The following SMURF1 variants were observed in gnomAD, a reference collection of about 807,000 sequenced individuals.
The protein encoded by SMURF1 is SMAD specific E3 ubiquitin protein ligase 1, also known as E3 ubiquitin-protein ligase SMURF1.
A neutral mutation model predicts 98.0 loss-of-function variants in SMURF1; 44 were observed. The ratio of observed to expected loss-of-function variants is 0.45; its 90% CI spans 0.35 to 0.58. The LOEUF is 0.58. Ranked by LOEUF, SMURF1 falls within the 20% of genes least tolerant of loss-of-function variation. The probability of loss-of-function intolerance (pLI) is 0.00; values close to 1 mark genes in which losing one functional copy is unlikely to be tolerated. For missense variants in SMURF1, 687 were observed against 938.4 expected, an observed-to-expected ratio of 0.73 and a Z score of 3.50; for synonymous variants, 396 against 374.9, an observed-to-expected ratio of 1.06 and a Z score of -0.65.
chr7:99,051,278 C>T, intron 8 of SMURF1, 79 bp downstream of exon 8: 2 of 1,137,416 alleles, frequency 1.8e-6, no homozygotes, highest in Non-Finnish European at 2.7e-6. Flanking sequence ...AAAACAAGAG[C>T]AACACATCTG....
intron 1 of SMURF1, among the ~76,000 whole-genome samples, chr7:99,085,543 A>G (rs747532025): frequency 2.0e-5 from 3 of 152,092 alleles, no homozygotes; most frequent in Non-Finnish European, 4.4e-5. Flanking sequence ...TACACCCATT[A>G]TCAATATCTT....
chr7:99,111,638 A>C (rs1797325443), intron 1 of SMURF1, among the ~76,000 whole-genome samples: 1 of 152,232 alleles, frequency 6.6e-6, no homozygotes, highest in Non-Finnish European at 1.5e-5. Context: ...TACTACAAGC[A>C]AGGGAACACC....
chr7:99,116,062 T>C (rs757843645), intron 1 of SMURF1, among the ~76,000 whole-genome samples: 27 of 152,270 alleles, frequency 1.8e-4, no homozygotes, highest in Non-Finnish European at 8.8e-5. Flanking sequence ...AAATTTAACA[T>C]AGAGCATATT....
chr7:99,089,345 T>C (rs1006230213), intron 1 of SMURF1, among the ~76,000 whole-genome samples: 1 of 151,290 alleles, frequency 6.6e-6, no homozygotes, highest in Non-Finnish European at 1.5e-5. Flanking sequence ...TTTTTTATTT[T>C]AAAAACTGTA....
At chr7:99,046,927 G>A (rs1795601313) in intron 10 of SMURF1, among the ~76,000 whole-genome samples, 1 of 152,128 alleles carries the variant, frequency 6.6e-6, no homozygotes, top group African/African-American at 2.4e-5. Context: ...TCGCGGTGGG[G>A]AAGGCGCTCA....
intron 1 of SMURF1, among the ~76,000 whole-genome samples, chr7:99,111,367 G>A (rs1328241633): frequency 2.0e-5 from 3 of 152,158 alleles, no homozygotes; most frequent in South Asian, 2.1e-4. Flanking sequence ...TAGAGAAACA[G>A]CCACTCTCAG....
intron 1 of SMURF1, among the ~76,000 whole-genome samples, chr7:99,063,920 G>A (rs890842298): frequency 6.6e-6 from 1 of 152,010 alleles, no homozygotes; most frequent in African/African-American, 2.4e-5. Context: ...AGGATTACAG[G>A]CACACGCCAC....
intron 1 of SMURF1, among the ~76,000 whole-genome samples, chr7:99,138,901 T>C (rs1344262340): frequency 6.6e-6 from 1 of 152,236 alleles, no homozygotes; most frequent in Non-Finnish European, 1.5e-5. Flanking sequence ...CACCTTCCAA[T>C]AATTCATCTC....
At chr7:99,086,191 C>G (rs890194997) in intron 1 of SMURF1, among the ~76,000 whole-genome samples, 2 of 151,858 alleles carry the variant, frequency 1.3e-5, no homozygotes, top group Non-Finnish European at 2.9e-5. Context: ...ACTAAAAATA[C>G]AAAAATTAGC....
intron 1 of SMURF1, among the ~76,000 whole-genome samples, chr7:99,126,858 TAAAA>T (rs1797757373): frequency 1.3e-5 from 2 of 152,200 alleles, no homozygotes; most frequent in East Asian, 3.8e-4. Flanking sequence ...TCACAGCTAT[TAAAA>T]AGAAATCAGC....
intron 1 of SMURF1, among the ~76,000 whole-genome samples, chr7:99,119,440 A>C (rs1320810267): frequency 6.6e-6 from 1 of 152,202 alleles, no homozygotes; most frequent in African/African-American, 2.4e-5. Flanking sequence ...TGCTCACAGG[A>C]AGGTTGTTGA....
At chr7:99,077,618 C>T (rs1246519306) in intron 1 of SMURF1, among the ~76,000 whole-genome samples, 1 of 152,066 alleles carries the variant, frequency 6.6e-6, no homozygotes, top group African/African-American at 2.4e-5. Flanking sequence ...AGGTGTGAGC[C>T]ACTGCGCCTG....
At chr7:99,107,027 G>A (rs1420687612) in intron 1 of SMURF1, among the ~76,000 whole-genome samples, 1 of 152,220 alleles carries the variant, frequency 6.6e-6, no homozygotes, top group Non-Finnish European at 1.5e-5. Flanking sequence ...ATTCTGTGAT[G>A]TTTTTGGTAA....
At chr7:99,076,882 T>C (rs559869328) in intron 1 of SMURF1, among the ~76,000 whole-genome samples, 1 of 152,216 alleles carries the variant, frequency 6.6e-6, no homozygotes, top group Non-Finnish European at 1.5e-5. Context: ...CCTGCATGTG[T>C]GTGCACGTGT....
chr7:99,126,590 G>GGTTGCAGTGAGCTGAGATTGCGCC lies in SMURF1; in HGVS notation c.55+17112_55+17135dup, dbSNP rs1292735390. 3.3e-5 allele frequency among the ~76,000 whole-genome samples: 5 copies of GGTTGCAGTGAGCTGAGATTGCGCC among 152,188 alleles called. 1 individual carries two copies. The Middle Eastern group carries it at 9.5e-3, about 289-fold the overall frequency. ...GAATTGCTTGAACCCAGGAGATGGAGGTTGCAGTGAGCTGAGATTGCGCCA... is the reference window on the plus strand; with the variant it reads ...GAATTGCTTGAACCCAGGAGATGGAGGTTGCAGTGAGCTGAGATTGCGCCGTTGCAGTGAGCTGAGATTGCGCCA... On this transcript the variant is annotated intron_variant, in intron 1 of 17. Coordinates refer to ENST00000361368, the MANE Select transcript of SMURF1 (RefSeq NM_181349.3).
chr7:99,033,878 G>GCTGA (rs1795016262), intron 16 of SMURF1, among the ~76,000 whole-genome samples: 1 of 152,236 alleles, frequency 6.6e-6, no homozygotes. Flanking sequence ...AAGACGGCTA[G>GCTGA]CTGACAGGGG....
intron 1 of SMURF1, among the ~76,000 whole-genome samples, chr7:99,101,209 A>G (rs993516213): frequency 4.6e-5 from 7 of 152,132 alleles, no homozygotes; most frequent in Non-Finnish European, 1.0e-4. Flanking sequence ...CATCTCTACA[A>G]AAAAATACAG....
At chr7:99,081,845 G>T (rs1023625325) in intron 1 of SMURF1, among the ~76,000 whole-genome samples, 12 of 152,188 alleles carry the variant, frequency 7.9e-5, no homozygotes, top group Admixed American at 7.2e-4. Context: ...TAGAGATGGG[G>T]TTTTGCCGTG....
chr7:99,063,170 T>C (rs1229032400), intron 1 of SMURF1, among the ~76,000 whole-genome samples: 2 of 142,720 alleles, frequency 1.4e-5, no homozygotes, highest in Non-Finnish European at 3.0e-5. Flanking sequence ...ATGTCGTAAG[T>C]GATAAGCTAT....
Sources: allele counts gnomAD v4.1 joint callset (sites outside exome capture counted in the v4.1 genomes callset), GRCh38; gene constraint gnomAD v4.1.1; transcripts MANE v1.5; gene names NCBI Gene and HGNC (gene_info 2026-07-23, HGNC 2026-07-21).